JAKMIP3: variants seen among roughly 807,000 people sequenced by gnomAD.
JAKMIP3 encodes janus kinase and microtubule-interacting protein 3.
Under a neutral mutation model 118.5 loss-of-function variants are expected in JAKMIP3, and 58 were observed. The observed-to-expected ratio is 0.49, with a 90% CI of 0.40 to 0.61. The LOEUF (loss-of-function observed/expected upper bound fraction) is 0.61. Among genes scored for constraint, JAKMIP3 ranks in the 20% least tolerant of loss-of-function variants. The pLI, the probability that JAKMIP3 is intolerant of heterozygous loss-of-function variation, is 0.00. For synonymous variants in JAKMIP3, 486 were observed against 451.2 expected, an observed-to-expected ratio of 1.08 and a Z score of -0.98; for missense variants, 950 against 1,109.0, an observed-to-expected ratio of 0.86 and a Z score of 2.04.
chr10:132,058,772 G>A (rs536161554), intron 1 of JAKMIP3, among the ~76,000 whole-genome samples: 3 of 152,350 alleles, frequency 2.0e-5, no homozygotes, highest in Admixed American at 2.0e-4. Context: ...AGACGAGGGA[G>A]TCATATGTCT....
chr10:132,150,945 C>A (rs1165229766), intron 16 of JAKMIP3, among the ~76,000 whole-genome samples: 2 of 152,116 alleles, frequency 1.3e-5, no homozygotes, highest in African/African-American at 4.8e-5. Context: ...GTCCATCCAT[C>A]CTCCATCTAT....
chr10:132,179,000 G>C (rs572166156), intron 23 of JAKMIP3, among the ~76,000 whole-genome samples: 4 of 152,344 alleles, frequency 2.6e-5, no homozygotes, highest in Admixed American at 2.6e-4. Context: ...CTTTTAGCGA[G>C]GTTCTGGTGC....
chr10:132,153,070 G>A (rs373630274), intron 17 of JAKMIP3, 47 bp downstream of exon 17: 1 of 1,473,466 alleles, frequency 6.8e-7, no homozygotes, highest in South Asian at 1.2e-5. Context: ...GGCTCCTGGG[G>A]TCTCCTGCCC....
chr10:132,125,230 C>T (rs1412091785), intron 3 of JAKMIP3, among the ~76,000 whole-genome samples: 1 of 152,064 alleles, frequency 6.6e-6, no homozygotes, highest in Non-Finnish European at 1.5e-5. Context: ...ATAATTCGTC[C>T]GAGTTCGGTT....
chr10:132,041,856 T>C (rs1465772759), intron 1 of JAKMIP3, among the ~76,000 whole-genome samples: 2 of 151,928 alleles, frequency 1.3e-5, no homozygotes, highest in East Asian at 3.9e-4. Flanking sequence ...TTTCTTTCTT[T>C]TTTCTTTCTT....
Position 132,117,247 on chromosome 10 carries a change from G to T in JAKMIP3, c.306G>T (p.Leu102=). ...TGCTGCGGCAGCATGAGGCTGAGCT[G>T]CTCAGGGTCATCAAGATCAAGGACA... The part of the protein sequence containing the change: ...ETLLRQHEAE[L]LRVIKIKDNE... Residue 102 remains leucine, a synonymous_variant, in exon 3 of 24, where the codon CTG becomes CTT. Coordinates refer to ENST00000684848, the MANE Select transcript of JAKMIP3 (RefSeq NM_001323087.2). The surrounding 1 kb of genome is among the most constrained non-coding windows in gnomAD (Gnocchi z 8.6). 1.2e-6 allele frequency: 2 copies of T among 1,613,956 alleles called. No individual in the cohort carries two copies. The highest frequency in any genetic ancestry group is 2.2e-5 in the East Asian group (1 of 44,884).
intron 19 of JAKMIP3, among the ~76,000 whole-genome samples, chr10:132,159,819 TG>T (rs1260331251): frequency 1.2e-4 from 4 of 32,370 alleles, no homozygotes; most frequent in African/African-American, 3.0e-4. Context: ...TGTGTGATGC[TG>T]GGGGGCCTCT....
At chr10:132,114,339 C>T (rs911318073) in intron 2 of JAKMIP3, among the ~76,000 whole-genome samples, 1 of 152,252 alleles carries the variant, frequency 6.6e-6, no homozygotes, top group Non-Finnish European at 1.5e-5. Flanking sequence ...TTCATCTTCC[C>T]AAGTAGCTGG....
At chr10:132,103,603 C>A (rs528519400) in intron 1 of JAKMIP3, among the ~76,000 whole-genome samples, 6 of 152,168 alleles carry the variant, frequency 3.9e-5, no homozygotes, top group Non-Finnish European at 7.4e-5. Context: ...CGTCTAATCA[C>A]CTCTTCTTAG....
chr10:132,123,630 TGCCAG>T (rs558488283), intron 3 of JAKMIP3, among the ~76,000 whole-genome samples: 277 of 152,302 alleles, frequency 1.8e-3, no homozygotes, highest in Middle Eastern at 0.014. Flanking sequence ...CGAGAGCTTG[TGCCAG>T]GCCCTTGCTC....
At chr10:132,114,788 G>A (rs896865796) in intron 2 of JAKMIP3, among the ~76,000 whole-genome samples, 15 of 152,072 alleles carry the variant, frequency 9.9e-5, no homozygotes, top group Non-Finnish European at 1.3e-4. Context: ...GTAACACCTA[G>A]TAGTTTTCAG....
At chr10:132,180,697 G>C (rs780909568) in intron 23 of JAKMIP3, among the ~76,000 whole-genome samples, 1 of 27,130 alleles carries the variant, frequency 3.7e-5, no homozygotes, top group Non-Finnish European at 7.0e-5. Flanking sequence ...GTGTGCGTGC[G>C]TGTGTGTGTG....
chr10:132,155,917 C>T (rs910698580), intron 19 of JAKMIP3, among the ~76,000 whole-genome samples: 3 of 152,156 alleles, frequency 2.0e-5, no homozygotes, highest in South Asian at 2.1e-4. Flanking sequence ...CTGTGCAGCA[C>T]GGAGCATGTC....
At chr10:132,160,108 G>A (rs1162248671) in intron 19 of JAKMIP3, among the ~76,000 whole-genome samples, 1 of 22,240 alleles carries the variant, frequency 4.5e-5, no homozygotes, top group African/African-American at 1.7e-4. Context: ...TGATGCAGGC[G>A]GTGGCCTCTT....
At chr10:132,144,931 A>G (rs2054305454) in intron 11 of JAKMIP3, among the ~76,000 whole-genome samples, 176 bp from the exon 12 acceptor site, 2 of 152,242 alleles carry the variant, frequency 1.3e-5, no homozygotes, top group African/African-American at 4.8e-5. Flanking sequence ...CCTGTCTCAA[A>G]AAAAAACAAA....
intron 23 of JAKMIP3, among the ~76,000 whole-genome samples, chr10:132,177,227 T>C (rs954001323): frequency 1.3e-5 from 2 of 152,224 alleles, no homozygotes; most frequent in South Asian, 2.1e-4. Context: ...GGGCCGTTAA[T>C]AGGGGATGTC....
At chr10:132,147,803 G>A (rs1678802218) in intron 13 of JAKMIP3, 149 bp from the exon 14 acceptor site, 7 of 580,626 alleles carry the variant, frequency 1.2e-5, no homozygotes, top group South Asian at 7.9e-5. Context: ...CAAACATACC[G>A]AGGGCTGTGA....
intron 1 of JAKMIP3, among the ~76,000 whole-genome samples, chr10:132,037,422 C>G (rs2133737446): frequency 6.6e-6 from 1 of 152,172 alleles, no homozygotes; most frequent in South Asian, 2.1e-4. Flanking sequence ...GGTGGTGACG[C>G]GCAGACCTGG....
intron 2 of JAKMIP3, among the ~76,000 whole-genome samples, chr10:132,110,528 G>A (rs2046704012): frequency 1.3e-5 from 2 of 152,266 alleles, no homozygotes; most frequent in African/African-American, 4.8e-5. Context: ...GTGCAGTGGG[G>A]AGCTCATCTC....
Sources: allele counts gnomAD v4.1 joint callset (sites outside exome capture counted in the v4.1 genomes callset), GRCh38; gene constraint gnomAD v4.1.1; non-coding constraint Gnocchi (gnomAD v3.1); transcripts MANE v1.5; gene names NCBI Gene and HGNC (gene_info 2026-07-23, HGNC 2026-07-21).